Variants in ZNF266 observed in about 807,000 individuals in gnomAD.
ZNF266 encodes the protein zinc finger protein 266, also known as zinc finger protein 1.
A neutral mutation model predicts 16.4 loss-of-function variants in ZNF266; 16 were observed. That is an observed-to-expected ratio of 0.98 (90% CI 0.66 to 1.48). ZNF266 has a LOEUF of 1.48. Among genes scored for constraint, ZNF266 ranks in the 40% most tolerant of loss-of-function variants. The pLI is 0.00. For synonymous variants in ZNF266, 262 were observed against 237.9 expected (o/e 1.10, Z -0.93); for missense variants, 738 against 689.1 (o/e 1.07, Z -0.79).
intron 6 of ZNF266, chr19:9,419,714 A>C (rs1404405861): frequency 6.6e-6 from 1 of 152,170 alleles, no homozygotes; most frequent in Non-Finnish European, 1.5e-5. Context: ...ATCCTGGCCA[A>C]CATGGTGAAA....
intron 9 of ZNF266, among the ~76,000 whole-genome samples, chr19:9,417,455 G>A (rs1441427554): frequency 3.3e-5 from 5 of 151,000 alleles, no homozygotes; most frequent in South Asian, 2.1e-4. Flanking sequence ...ATGGCTAAGC[G>A]TGGTGGCTCA....
chr19:9,434,781 T>G lies in ZNF266; in HGVS notation c.-410+17A>C, dbSNP rs1014308201. On this transcript the variant is annotated intron_variant, in intron 3 of 10. Transcript: ENST00000592904. Reference sequence around the variant, plus strand: ...GCATTTAAACCTTAAGTGTCACGCCTGCAATGTTCAACTTACTTCAAAGCC... The same window carrying G: ...GCATTTAAACCTTAAGTGTCACGCCGGCAATGTTCAACTTACTTCAAAGCC... 1 of 152,220 alleles carries G rather than the reference T, an allele frequency of 6.6e-6. No individual in the cohort carries two copies. The highest frequency in any genetic ancestry group is 1.5e-5 in the Non-Finnish European group (1 of 68,040). 9.4% of individuals were successfully genotyped at this position (152,220 alleles called of 1,614,324 possible).
At chr19:9,417,544 C>G (rs547920459) in intron 9 of ZNF266, among the ~76,000 whole-genome samples, 1 of 151,988 alleles carries the variant, frequency 6.6e-6, no homozygotes, top group South Asian at 2.1e-4. Context: ...CTGACCAACA[C>G]GGTCAAACCC....
chr19:9,424,676 C>T (rs1211909068), intron 5 of ZNF266, among the ~76,000 whole-genome samples: 1 of 152,180 alleles, frequency 6.6e-6, no homozygotes, highest in African/African-American at 2.4e-5. Context: ...TTACTTCTAT[C>T]TTTTTCCCAC....
At position 9,413,444 on chromosome 19, in the gene ZNF266, C is replaced by T; in HGVS notation, c.1682G>A (p.Cys561Tyr). The stretch of plus-strand genomic sequence containing the variant: ...ACTGAAGGATTTCCCACACTGTTTA[C>T]ATTTGTAGGGTTTTTCTCCAGTGTG... ...RIHTGEKPYK[C>Y]KQCGKSFSYS... is the part of the protein sequence containing the mutation. Residue 561 changes from cysteine (C) to tyrosine (Y), a missense_variant, in exon 11 of 11, where the codon TGT becomes TAT. Physicochemically the swap from Cys to Tyr is radical, Grantham distance 194 (BLOSUM62 -2). Coordinates refer to ENST00000592904, the MANE Select transcript of ZNF266 (RefSeq NM_001370374.1). The T allele has an allele frequency of 6.2e-7, 1 of 1,614,048 alleles. No individual in the cohort carries two copies.
chr19:9,418,433 T>G (rs2069385696), intron 8 of ZNF266, 72 bp downstream of exon 8: 1 of 1,510,692 alleles, frequency 6.6e-7, no homozygotes, highest in Non-Finnish European at 9.2e-7. Context: ...TTGCTATCTC[T>G]GATGTGCAAT....
At chr19:9,420,643 T>C (rs1404319708) in intron 5 of ZNF266, 1 of 151,654 alleles carries the variant, frequency 6.6e-6, no homozygotes, top group African/African-American at 2.4e-5. Flanking sequence ...AAATCCCAGC[T>C]ACTGAGGAGG....
chr19:9,427,582 C>T (rs2070946146), intron 5 of ZNF266, among the ~76,000 whole-genome samples: 2 of 152,134 alleles, frequency 1.3e-5, no homozygotes, highest in Non-Finnish European at 2.9e-5. Flanking sequence ...CCACCTCGGC[C>T]TCCCAAAGTG....
At position 9,414,731 on chromosome 19, in the gene ZNF266, AGGAAT is replaced by A; in HGVS notation, c.406-16_406-12del. ...GTTGTGGCTTCCTATCTGTTGATAA[AGGAAT>A]GAATGATGATTAAAGGACGGTTCAG... On this transcript the variant is annotated splice_polypyrimidine_tract_variant and intron_variant, in intron 10 of 10. Transcript: ENST00000592904. 1 of 1,543,136 alleles carries A rather than the reference AGGAAT, an allele frequency of 6.5e-7. No homozygotes were observed. Among genetic ancestry groups the A allele is most frequent in the Non-Finnish European group, 8.8e-7 (1 of 1,142,832 alleles).
rs1203534807 is a variant in ZNF266, at chr19:9,417,862, T to C, written c.282A>G (p.Glu94=). ...KPSLISWLEQ[E]ESRTVQRGDF... ...CACCTCTCTGCACTGTCCTAGACTC[T>C]TCTTGTTCCAGCCAAGAGATCAGAC... is the stretch of plus-strand genomic sequence containing the variant. The change falls in exon 9 of 11, where the codon GAA becomes GAG. Residue 94 remains glutamate (E), a synonymous_variant. Coordinates refer to ENST00000592904, the MANE Select transcript of ZNF266 (RefSeq NM_001370374.1). 19 of 1,614,192 alleles carry C rather than the reference T, an allele frequency of 1.2e-5. No homozygotes were observed. The highest frequency in any genetic ancestry group is 5.5e-5 in the South Asian group (5 of 91,090).
At chr19:9,424,114 T>C (rs2335939) in intron 5 of ZNF266, among the ~76,000 whole-genome samples, 88,079 of 150,382 alleles carry the variant, frequency 0.59, 25,998 homozygotes, top group African/African-American at 0.67. Flanking sequence ...TCTTAGACCC[T>C]AGAGGAAAAT....
At position 9,413,064 on chromosome 19, in the gene ZNF266, G is replaced by T; in HGVS notation, c.*211C>A. 1 of 576,546 alleles carries T rather than the reference G, an allele frequency of 1.7e-6. No homozygotes were observed. Among genetic ancestry groups the T allele is most frequent in the Non-Finnish European group, 2.9e-6 (1 of 340,478 alleles). The allele number at this position is 576,546 out of a possible 1,614,324, so 35.7% of individuals were successfully genotyped here. ...CATTCATACAGTTTCTCTCCAGTGA[G>T]ATTTCTGATGTGTTTGGTAAGGCTT... On this transcript the variant is annotated 3_prime_UTR_variant, in exon 11 of 11. Coordinates refer to ENST00000592904, the MANE Select transcript of ZNF266 (RefSeq NM_001370374.1).
Position 9,413,748 on chromosome 19 carries a change from A to G in ZNF266, c.1378T>C (p.Ser460Pro), listed in dbSNP as rs756860921. The change falls in exon 11 of 11, where the codon TCT becomes CCT. Residue 460 changes from serine (S) to proline (P), a missense_variant. Transcript: ENST00000592904. ...KECGKAFARSSRLSEHTRTHT... is the reference protein window; with the variant it reads ...KECGKAFARSPRLSEHTRTHT... Reference sequence around the variant, plus strand: ...GTTCTTGTATGTTCACTAAGGCGAGAGGATCTGGCAAAGGCCTTTCCACAT... The same window carrying G: ...GTTCTTGTATGTTCACTAAGGCGAGGGGATCTGGCAAAGGCCTTTCCACAT... The G allele has an allele frequency of 1.9e-6, 3 of 1,613,944 alleles. No homozygotes were observed. Among genetic ancestry groups the G allele is most frequent in the East Asian group, 4.5e-5 (2 of 44,878 alleles).
At chr19:9,432,744 A>G (rs2071806012) in intron 5 of ZNF266, among the ~76,000 whole-genome samples, 1 of 152,080 alleles carries the variant, frequency 6.6e-6, no homozygotes, top group Admixed American at 6.6e-5. Context: ...CTATTTATCC[A>G]ATTTTTGATG....
intron 5 of ZNF266, among the ~76,000 whole-genome samples, chr19:9,421,240 G>GA (rs2069834911): frequency 6.6e-6 from 1 of 152,116 alleles, no homozygotes; most frequent in Non-Finnish European, 1.5e-5. Flanking sequence ...TGAGAAGGCT[G>GA]AAACTCTGAG....
intron 5 of ZNF266, among the ~76,000 whole-genome samples, chr19:9,424,025 G>A (rs1422925137): frequency 1.3e-5 from 2 of 151,860 alleles, no homozygotes; most frequent in Non-Finnish European, 2.9e-5. Flanking sequence ...AGAATTGATG[G>A]GTGAAGGTGG....
rs1216338880 is a variant in ZNF266, at chr19:9,414,026, T to A, written c.1100A>T (p.Glu367Val). 4 of 1,614,158 alleles carry A rather than the reference T, an allele frequency of 2.5e-6. No individual in the cohort carries two copies. The highest frequency in any genetic ancestry group is 3.4e-6 in the Non-Finnish European group (4 of 1,180,022). Residue 367 changes from glutamate to valine, a missense_variant, in exon 11 of 11, where the codon GAA becomes GTA. Coordinates refer to ENST00000592904, the MANE Select transcript of ZNF266 (RefSeq NM_001370374.1). Reference sequence around the variant, plus strand: ...AGATCTAGTGAAGGCTATCCCACATTCCTTGCATTCATAAGGCTTCTCACC... The same window carrying A: ...AGATCTAGTGAAGGCTATCCCACATACCTTGCATTCATAAGGCTTCTCACC... ...HVGEKPYECKECGIAFTRSSQ... is the reference protein window; with the variant it reads ...HVGEKPYECKVCGIAFTRSSQ...
In ZNF266 at chr19:9,422,252, C is replaced by T. The variant is rs567767056; in HGVS notation, c.-129-2034G>A. Among the ~76,000 whole-genome samples the T allele has an allele frequency of 5.7e-4, 87 of 152,304 alleles. No homozygotes were observed. The South Asian group carries it at 5.8e-3, about 10-fold the overall frequency. Reference sequence around the variant, plus strand: ...CAACTTGCTTTTCTTTGTGGAGTCTCTGTATCTCATGGGCAGCCTTAGGTA... The same window carrying T: ...CAACTTGCTTTTCTTTGTGGAGTCTTTGTATCTCATGGGCAGCCTTAGGTA... On this transcript the variant is annotated intron_variant, in intron 5 of 10. Transcript: ENST00000592904.
Sources: gnomAD v4.1 joint callset for allele counts (sites outside exome capture counted in the v4.1 genomes callset) on GRCh38, gnomAD v4.1.1 for gene constraint, MANE v1.5 for transcripts, NCBI Gene and HGNC (gene_info 2026-07-23, HGNC 2026-07-21) for gene names.